Variants in AGRN observed in about 807,000 individuals in gnomAD.
AGRN encodes the protein agrin proteoglycan.
In AGRN, 106 loss-of-function variants were observed where a neutral mutation model predicts 211.0. The ratio of observed to expected loss-of-function variants is 0.50; its 90% confidence interval spans 0.43 to 0.59. The LOEUF (loss-of-function observed/expected upper bound fraction) is 0.59, where lower values mean the gene tolerates loss of function less well. Ranked by LOEUF, AGRN falls within the 20% of genes least tolerant of loss-of-function variation. The pLI, the probability that AGRN is intolerant of heterozygous loss-of-function variation, is 0.00. For synonymous variants in AGRN, 1,525 were observed against 1,332.5 expected, an observed-to-expected ratio of 1.14 and a Z score of -3.15; for missense variants, 3,040 against 2,982.6, an observed-to-expected ratio of 1.02 and a Z score of -0.45.
chr1:1,036,662 C>A (rs1240366010), intron 3 of AGRN, among the ~76,000 whole-genome samples: 1 of 152,114 alleles, frequency 6.6e-6, no homozygotes, highest in Non-Finnish European at 1.5e-5. Flanking sequence ...TGGGCTCTAG[C>A]CCTGCAACCT....
chr1:1,052,752 C>T (rs1430424849), intron 33 of AGRN: 3 of 143,650 alleles, frequency 2.1e-5, no homozygotes, highest in African/African-American at 8.5e-5. Flanking sequence ...AGTGTGTGTG[C>T]ATGGGTCCAT....
chr1:1,033,064 C>T (rs1199139411), intron 2 of AGRN, among the ~76,000 whole-genome samples: 8 of 152,200 alleles, frequency 5.3e-5, no homozygotes, highest in Admixed American at 5.2e-4. Context: ...CGCCCCGGGC[C>T]GCAGTGACGT....
intron 33 of AGRN, chr1:1,053,251 C>T (rs1428594318): frequency 2.9e-6 from 1 of 342,874 alleles, no homozygotes; most frequent in Non-Finnish European, 5.4e-6. Context: ...CTCGTGTCTG[C>T]ACGTGGGTGT....
Position 1,046,439 on chromosome 1 carries a change from CTG to C in AGRN, c.2957_2958del (p.Val986AspfsTer73). 6.2e-7 allele frequency: 1 copy of C among 1,612,532 alleles called. No homozygotes were observed. The highest frequency in any genetic ancestry group is 8.5e-7 in the Non-Finnish European group (1 of 1,179,874). ...ACTCACCCGACATCTGCCTCCGTGA[CTG>C]TGACCACCCCAGGGCTCCTCCTGAG... On this transcript the variant is annotated frameshift_variant, in exon 18 of 36. Coordinates refer to ENST00000379370, the MANE Select transcript of AGRN (RefSeq NM_198576.4). LOFTEE classifies it high-confidence loss of function.
At chr1:1,035,554 C>T (rs921028378) in intron 3 of AGRN, among the ~76,000 whole-genome samples, 2 of 152,258 alleles carry the variant, frequency 1.3e-5, no homozygotes, top group African/African-American at 4.8e-5. Flanking sequence ...CTTCTCTGGG[C>T]CTCAGCCCCC....
intron 2 of AGRN, among the ~76,000 whole-genome samples, chr1:1,030,490 G>A (rs1373763530): frequency 1.2e-5 from 1 of 80,012 alleles, no homozygotes; most frequent in Non-Finnish European, 2.5e-5. Context: ...GGTGCTGTGA[G>A]ATCAGCGTGT....
At chr1:1,034,157 C>G (rs1020879291) in intron 2 of AGRN, 5 of 985,206 alleles carry the variant, frequency 5.1e-6, no homozygotes, top group Non-Finnish European at 6.0e-6. Context: ...GACAGCAGAC[C>G]CTCGGCGCCC....
rs746826836 is a variant in AGRN at position 1,044,118 on chromosome 1, G to A, written c.2009G>A (p.Gly670Asp). Reference sequence around the variant, plus strand: ...CTCCCCTTCCCCGCAGCCGAGTGCGGTTCCGGAGGCTCTGGCTCTGGGGAG... The same window carrying A: ...CTCCCCTTCCCCGCAGCCGAGTGCGATTCCGGAGGCTCTGGCTCTGGGGAG... ...RAGPCEQAEC[G>D]SGGSGSGEDG... Residue 670 changes from glycine to aspartate, a missense_variant, in exon 11 of 36, where the codon GGT (glycine) becomes GAT (aspartate). Physicochemically the swap from Gly to Asp is moderately conservative, Grantham distance 94 (BLOSUM62 -1). Coordinates refer to ENST00000379370, the MANE Select transcript of AGRN (RefSeq NM_198576.4). 6.2e-7 allele frequency: 1 copy of A among 1,613,296 alleles called. No individual in the cohort carries two copies. The highest frequency in any genetic ancestry group is 8.5e-7 in the Non-Finnish European group (1 of 1,179,946).
chr1:1,036,295 C>T (rs1328157868), intron 3 of AGRN, among the ~76,000 whole-genome samples: 1 of 152,042 alleles, frequency 6.6e-6, no homozygotes, highest in African/African-American at 2.4e-5. Context: ...GGCAGGGGGC[C>T]CTGTGATGCC....
At position 1,022,297 on chromosome 1, in the gene AGRN, C is replaced by A. The variant is rs773486550; in HGVS notation, c.298C>A (p.Pro100Thr). The A allele has an allele frequency of 6.2e-7, 1 of 1,613,322 alleles. No individual in the cohort carries two copies. Among genetic ancestry groups the A allele is most frequent in the African/African-American group, 1.3e-5 (1 of 75,028 alleles). ...GGTGGTGATCAGCGGCTTTGGAGAC[C>A]CCCTCATCTGTGACAACCAGGTGTC... The part of the protein sequence containing the change: ...NKVVISGFGD[P>T]LICDNQVSTG... The change falls in exon 2 of 36, where the codon CCC becomes ACC. Residue 100 changes from proline to threonine, a missense_variant. Transcript: ENST00000379370.
chr1:1,037,028 G>A (rs1380003603), intron 3 of AGRN, among the ~76,000 whole-genome samples: 1 of 152,158 alleles, frequency 6.6e-6, no homozygotes, highest in Non-Finnish European at 1.5e-5. Flanking sequence ...CCTCCTGGCA[G>A]CCCCAGGACT....
At chr1:1,053,704 G>A (rs1645373908) in intron 33 of AGRN, 49 bp from the exon 34 acceptor site, 1 of 1,541,410 alleles carries the variant, frequency 6.5e-7, no homozygotes, top group Non-Finnish European at 8.8e-7. Flanking sequence ...CCCCCACCCT[G>A]TCCTGTTGCC....
chr1:1,024,898 C>T (rs1022035344), intron 2 of AGRN, among the ~76,000 whole-genome samples: 1 of 152,218 alleles, frequency 6.6e-6, no homozygotes, highest in Non-Finnish European at 1.5e-5. Context: ...CGGAAGGAGA[C>T]CCCCGCCCCT....
At chr1:1,033,907 T>C (rs975928274) in intron 2 of AGRN, among the ~76,000 whole-genome samples, 2 of 150,596 alleles carry the variant, frequency 1.3e-5, no homozygotes, top group African/African-American at 2.4e-5. Context: ...CCCGATCCTC[T>C]GGAACTCCCC....
intron 2 of AGRN, among the ~76,000 whole-genome samples, chr1:1,027,459 C>G (rs1322336175): frequency 6.6e-6 from 1 of 152,182 alleles, no homozygotes; most frequent in African/African-American, 2.4e-5. Flanking sequence ...TTCCTCTGTC[C>G]TCGTGCACGT....
In AGRN at chr1:1,045,811, T is replaced by C. The variant is rs1645074282; in HGVS notation, c.2615T>C (p.Val872Ala). Residue 872 changes from valine (V) to alanine (A), a missense_variant, in exon 15 of 36, where the codon GTG becomes GCG. By Grantham distance (64) the Val-to-Ala change is moderately conservative. Coordinates refer to ENST00000379370, the MANE Select transcript of AGRN (RefSeq NM_198576.4). ...MTGLCSCKPG[V>A]AGPKCGQCPD... ...GGGCTGTGCTCGTGTAAGCCCGGGGTGGCTGGACCCAAGTGTGGGCAGTGT... is the reference window on the plus strand; with the variant it reads ...GGGCTGTGCTCGTGTAAGCCCGGGGCGGCTGGACCCAAGTGTGGGCAGTGT... 1 of 1,612,884 alleles carries C rather than the reference T, an allele frequency of 6.2e-7. No individual in the cohort carries two copies. The highest frequency in any genetic ancestry group is 2.2e-5 in the East Asian group (1 of 44,878).
Position 1,045,274 on chromosome 1 carries a change from C to T in AGRN, c.2368C>T (p.Pro790Ser). Residue 790 changes from proline to serine, a missense_variant, in exon 13 of 36, where the codon CCC becomes TCC. Pro to Ser is a moderately conservative substitution (Grantham distance 74). Coordinates refer to ENST00000379370, the MANE Select transcript of AGRN (RefSeq NM_198576.4). ...AARGVGLAGC[P>S]SACQCNPHGS... is the part of the protein sequence containing the mutation. ...CCGGGGCGTGGGCCTGGCTGGCTGCCCCAGTGAGTACCTGAGCTCAGCCCC... is the reference window on the plus strand; with the variant it reads ...CCGGGGCGTGGGCCTGGCTGGCTGCTCCAGTGAGTACCTGAGCTCAGCCCC... The T allele has an allele frequency of 6.2e-7, 1 of 1,611,676 alleles. No homozygotes were observed. The highest frequency in any genetic ancestry group is 8.5e-7 in the Non-Finnish European group (1 of 1,179,470).
Position 1,050,312 on chromosome 1 carries a change from C to T in AGRN, c.4959C>T (p.Thr1653=), listed in dbSNP as rs748014336. 10 of 1,612,958 alleles carry T rather than the reference C, an allele frequency of 6.2e-6. No individual in the cohort carries two copies. The highest frequency in any genetic ancestry group is 1.7e-5 in the Admixed American group (1 of 60,004). The change falls in exon 28 of 36, where the codon ACC becomes ACT. Residue 1653 remains threonine, a synonymous_variant. Coordinates refer to ENST00000379370, the MANE Select transcript of AGRN (RefSeq NM_198576.4). ...FSHLELRGLH[T]FARDLGEKMA... Reference sequence around the variant, plus strand: ...ACCTGGAGCTGAGAGGCCTGCACACCTTTGCACGGGACCTGGGGTCGGTGG... The same window carrying T: ...ACCTGGAGCTGAGAGGCCTGCACACTTTTGCACGGGACCTGGGGTCGGTGG...
At position 1,031,125 on chromosome 1, in the gene AGRN, ATGTG is replaced by A. The variant is rs368072930; in HGVS notation, c.464-4143_464-4140del. On this transcript the variant is annotated intron_variant, in intron 2 of 35. Transcript: ENST00000379370. The surrounding 1 kb of genome is among the most constrained non-coding windows in gnomAD (Gnocchi z 4.8). ...TGTGCGGTGCATGGTGCTGTGTGAGATGTGTGTGTGTGCAGTGCATGGTGCTGTG... is the reference window on the plus strand; with the variant it reads ...TGTGCGGTGCATGGTGCTGTGTGAGATGTGTGTGCAGTGCATGGTGCTGTG... Among the ~76,000 whole-genome samples, 245 of 73,130 alleles carry A rather than the reference ATGTG, an allele frequency of 3.4e-3. 4 individuals are homozygous for A. Among genetic ancestry groups the A allele is most frequent in the Non-Finnish European group, 5.1e-3 (198 of 38,922 alleles). The allele number at this position is 73,130 out of a possible 152,430, so 48.0% of individuals were successfully genotyped here. A position where few individuals can be genotyped will look rare whatever the true frequency, so the allele number is the denominator to read the frequency against.
Sources: gnomAD v4.1 joint callset for allele counts (sites outside exome capture counted in the v4.1 genomes callset) on GRCh38, gnomAD v4.1.1 for gene constraint, Gnocchi (gnomAD v3.1) non-coding constraint, MANE v1.5 for transcripts, NCBI Gene and HGNC (gene_info 2026-07-23, HGNC 2026-07-21) for gene names.